The following KIAA1671 variants were observed in gnomAD, a reference collection of about 807,000 sequenced individuals.
The protein encoded by KIAA1671 is uncharacterized protein KIAA1671.
Under a neutral mutation model 131.2 loss-of-function variants are expected in KIAA1671, and 52 were observed. The ratio of observed to expected loss-of-function variants is 0.40; its 90% CI spans 0.32 to 0.50. The LOEUF (loss-of-function observed/expected upper bound fraction) is 0.50, where lower values mean the gene tolerates loss of function less well. Ranked by LOEUF, KIAA1671 falls within the 20% of genes least tolerant of loss-of-function variation. The probability of loss-of-function intolerance (pLI) is 0.73; values close to 1 mark genes in which losing one functional copy is unlikely to be tolerated. For synonymous variants in KIAA1671, 1,003 were observed against 961.6 expected (o/e 1.04, Z -0.80); for missense variants, 2,360 against 2,364.2 (o/e 1.00, Z 0.04).
chr22:25,029,370 A>T lies in KIAA1671; in HGVS notation c.1371A>T (p.Glu457Asp). ...DSTLALAVGSESPLATPASPS... is the reference protein window; with the variant it reads ...DSTLALAVGSDSPLATPASPS... ...CCTTGGCCTTGGCAGTGGGGTCTGA[A>T]TCTCCCCTGGCCACCCCTGCGTCCC... Residue 457 changes from glutamate (E) to aspartate (D), a missense_variant, in exon 3 of 13, where the codon GAA becomes GAT. Physicochemically the swap from Glu to Asp is conservative, Grantham distance 45. Around this residue, in one of 3 missense-constraint regions of KIAA1671, gnomAD observed 1,185 missense variants for 1,126.2 expected, o/e 1.05. Transcript: ENST00000358431. 1 of 1,551,232 alleles carries T rather than the reference A, an allele frequency of 6.4e-7. No individual in the cohort carries two copies. Among genetic ancestry groups the T allele is most frequent in the East Asian group, 2.4e-5 (1 of 40,908 alleles).
chr22:25,192,827 G>A lies in KIAA1671; in HGVS notation c.*426G>A, dbSNP rs1569001531. 2 of 152,082 alleles carry A rather than the reference G, an allele frequency of 1.3e-5. No individual in the cohort carries two copies. Among genetic ancestry groups the A allele is most frequent in the African/African-American group, 4.8e-5 (2 of 41,390 alleles). The allele number at this position is 152,082 out of a possible 1,614,324, so 9.4% of individuals were successfully genotyped here. ...ACCTCCTCACCCGACCCCGGGGCAG[G>A]TCTTTTTTTGGAAGGACATTTCCAA... On this transcript the variant is annotated 3_prime_UTR_variant, in exon 13 of 13. Coordinates refer to ENST00000358431, the MANE Select transcript of KIAA1671 (RefSeq NM_001145206.2).
At chr22:25,025,876 C>G (rs1042163751) in intron 2 of KIAA1671, 92 bp downstream of exon 2, 4 of 152,428 alleles carry the variant, frequency 2.6e-5, no homozygotes, top group Admixed American at 6.5e-5. Flanking sequence ...AATTTTCTCT[C>G]TGTCCTTTGA....
rs1299057708 is a variant in KIAA1671 at position 25,039,687 on chromosome 22, A to G, written c.2557A>G (p.Lys853Glu). The G allele has an allele frequency of 1.3e-6, 2 of 1,519,464 alleles. No individual in the cohort carries two copies. The highest frequency in any genetic ancestry group is 2.0e-5 in the Admixed American group (1 of 49,074). 94.1% of individuals were successfully genotyped at this position (1,519,464 alleles called of 1,614,324 possible). A position where few individuals can be genotyped will look rare whatever the true frequency, so the allele number is the denominator to read the frequency against. ...APGATSVRAI[K>E]AAIWESQHEG... ...CGGGGCCACCTCCGTCAGGGCTATC[A>G]AGGCTGCCATCTGGGAAAGCCAGCA... The change falls in exon 5 of 13, where the codon AAG becomes GAG. Residue 853 changes from lysine (K) to glutamate (E), a missense_variant. Physicochemically the swap from Lys to Glu is moderately conservative, Grantham distance 56. Around this residue, in one of 3 missense-constraint regions of KIAA1671, gnomAD observed 14 missense variants for 33.2 expected, o/e 0.42. Transcript: ENST00000358431.
chr22:25,187,610 T>C (rs1162026758), intron 11 of KIAA1671, among the ~76,000 whole-genome samples: 2 of 152,096 alleles, frequency 1.3e-5, no homozygotes, highest in Non-Finnish European at 2.9e-5. Flanking sequence ...CAGTCTCAGG[T>C]GAATCCTCCC....
intron 1 of KIAA1671, among the ~76,000 whole-genome samples, chr22:24,978,890 G>A (rs544698303): frequency 9.2e-5 from 14 of 152,046 alleles, no homozygotes; most frequent in African/African-American, 3.1e-4. Flanking sequence ...TCACCATGTC[G>A]GCCAGGCTGG....
At chr22:25,177,621 A>G (rs1934084104) in intron 9 of KIAA1671, 99 bp downstream of exon 9, 7 of 1,041,318 alleles carry the variant, frequency 6.7e-6, no homozygotes, top group Non-Finnish European at 9.6e-6. Context: ...AAGGCTGTAG[A>G]TCATTAGAAC....
rs546981335 is a variant in KIAA1671, at chr22:25,095,710, A to G, written c.4530+46346A>G. Among the ~76,000 whole-genome samples the G allele has an allele frequency of 6.6e-5, 10 of 152,296 alleles. No homozygotes were observed. The South Asian group carries it at 1.4e-3, about 22-fold the overall frequency. On this transcript the variant is annotated intron_variant, in intron 6 of 12. Coordinates refer to ENST00000358431, the MANE Select transcript of KIAA1671 (RefSeq NM_001145206.2). ...ATGTAAATGATGATAAGCTGTAGGA[A>G]TACTGATGACTGCTAAGCCCCCCTA...
At chr22:25,105,570 GC>G (rs1269315556) in intron 6 of KIAA1671, among the ~76,000 whole-genome samples, 1 of 152,186 alleles carries the variant, frequency 6.6e-6, no homozygotes, top group Non-Finnish European at 1.5e-5. Flanking sequence ...TGCTTGTGCT[GC>G]CCCAGTTTTC....
chr22:24,965,916 T>G (rs970590817), intron 1 of KIAA1671, among the ~76,000 whole-genome samples: 2 of 152,218 alleles, frequency 1.3e-5, no homozygotes, highest in Non-Finnish European at 2.9e-5. Flanking sequence ...ATTCACTGCT[T>G]CTTATAGGCC....
chr22:25,134,376 ATG>A (rs149493847), intron 6 of KIAA1671, among the ~76,000 whole-genome samples: 16 of 150,098 alleles, frequency 1.1e-4, no homozygotes, highest in Non-Finnish European at 1.3e-4. Flanking sequence ...TGGTATTGGT[ATG>A]TGTGTGTGTG....
chr22:25,048,485 G>A (rs1927362638), intron 5 of KIAA1671, among the ~76,000 whole-genome samples: 1 of 152,132 alleles, frequency 6.6e-6, no homozygotes, highest in South Asian at 2.1e-4. Flanking sequence ...TGAGGGAAGG[G>A]ATTAGAAATC....
intron 1 of KIAA1671, among the ~76,000 whole-genome samples, chr22:24,984,438 G>A (rs2123834668): frequency 6.6e-6 from 1 of 152,258 alleles, no homozygotes; most frequent in Admixed American, 6.5e-5. Context: ...AATATAGCTG[G>A]GTGTCCAGGG....
At chr22:25,146,696 C>T (rs928445797) in intron 6 of KIAA1671, among the ~76,000 whole-genome samples, 25 of 152,222 alleles carry the variant, frequency 1.6e-4, no homozygotes, top group African/African-American at 5.8e-4. Flanking sequence ...ATGTTCCCCC[C>T]ACTCCTCCAA....
chr22:25,123,254 T>C (rs1932031399), intron 6 of KIAA1671, among the ~76,000 whole-genome samples: 1 of 134,702 alleles, frequency 7.4e-6, no homozygotes, highest in African/African-American at 2.8e-5. Context: ...TGGAGTGCAA[T>C]GACGCAATCT....
Position 25,003,816 on chromosome 22 carries a change from C to G in KIAA1671, c.-207-21817C>G, listed in dbSNP as rs967802750. On this transcript the variant is annotated intron_variant, in intron 1 of 12. Transcript: ENST00000358431. ...TATACCCATCCATGTGCATCTATATCAAATAGAAAATAGGATTTTTTTTTT... is the reference window on the plus strand; with the variant it reads ...TATACCCATCCATGTGCATCTATATGAAATAGAAAATAGGATTTTTTTTTT... Among the ~76,000 whole-genome samples, 6 of 151,894 alleles carry G rather than the reference C, an allele frequency of 4.0e-5. No homozygotes were observed. In the South Asian group the frequency reaches 1.2e-3, roughly 32 times the overall value.
At chr22:25,005,378 T>C (rs1184978355) in intron 1 of KIAA1671, among the ~76,000 whole-genome samples, 1 of 150,598 alleles carries the variant, frequency 6.6e-6, no homozygotes, top group African/African-American at 2.5e-5. Context: ...AAAAAGAAAT[T>C]GAAAGGTTAC....
intron 6 of KIAA1671, among the ~76,000 whole-genome samples, chr22:25,169,471 G>A (rs1933767745): frequency 6.8e-6 from 1 of 148,074 alleles, no homozygotes; most frequent in African/African-American, 2.5e-5. Context: ...AAGCTTCAAA[G>A]CTCAGGCAGC....
intron 1 of KIAA1671, among the ~76,000 whole-genome samples, chr22:24,987,832 A>G (rs189016220): frequency 2.0e-5 from 3 of 152,322 alleles, no homozygotes; most frequent in Non-Finnish European, 4.4e-5. Context: ...ATACTGAGAC[A>G]TGGGGAAGGA....
At chr22:25,161,023 A>G (rs1179706816) in intron 6 of KIAA1671, among the ~76,000 whole-genome samples, 2 of 151,834 alleles carry the variant, frequency 1.3e-5, no homozygotes, top group African/African-American at 4.8e-5. Flanking sequence ...CTCATATCCC[A>G]TCTAGTTCCT....
Sources: gnomAD v4.1 joint callset for allele counts (sites outside exome capture counted in the v4.1 genomes callset) on GRCh38, gnomAD v4.1.1 for gene constraint, gnomAD v4.1.1 regional missense constraint, MANE v1.5 for transcripts, NCBI Gene and HGNC (gene_info 2026-07-23, HGNC 2026-07-21) for gene names.